The following TONSL variants were observed in gnomAD, a reference collection of about 807,000 sequenced individuals.
TONSL encodes the protein tonsoku-like protein.
TONSL carries 112 observed loss-of-function variants against 147.1 expected under a neutral mutation model. The ratio of observed to expected loss-of-function variants is 0.76; its 90% CI spans 0.65 to 0.89. The LOEUF (loss-of-function observed/expected upper bound fraction) is 0.89, where lower values mean the gene tolerates loss of function less well. Ranked by LOEUF, TONSL falls within the 40% of genes least tolerant of loss-of-function variation. TONSL has a pLI of 0.00. For missense variants in TONSL, 1,883 were observed against 1,864.6 expected (o/e 1.01, Z -0.18); for synonymous variants, 868 against 801.5 (o/e 1.08, Z -1.40).
At chr8:144,430,356 C>A in intron 25 of TONSL, 48 bp downstream of exon 25, 8 of 1,504,410 alleles carry the variant, frequency 5.3e-6, no homozygotes, top group Non-Finnish European at 7.1e-6. Context: ...CAGGCAGGTC[C>A]CTGAAAAGGC....
In TONSL at chr8:144,429,205, G is replaced by T; in HGVS notation, c.4075C>A (p.Arg1359=). Residue 1359 remains arginine (R), a synonymous_variant, in exon 26 of 26, where the codon CGG becomes AGG. Coordinates refer to ENST00000409379, the MANE Select transcript of TONSL (RefSeq NM_013432.5). ...RDALRQLQPS[R]PGPGECTLDH... ...AGCGTGCACTCGCCGGGGCCCGGCCGACTGGGCTGCAGCTGGCGCAGGGCG... is the reference window on the plus strand; with the variant it reads ...AGCGTGCACTCGCCGGGGCCCGGCCTACTGGGCTGCAGCTGGCGCAGGGCG... 6.5e-7 allele frequency: 1 copy of T among 1,535,178 alleles called. No homozygotes were observed.
intron 24 of TONSL, among the ~76,000 whole-genome samples, 172 bp from the exon 25 acceptor site, chr8:144,430,709 A>T (rs1306235444): frequency 6.6e-6 from 1 of 152,144 alleles, no homozygotes; most frequent in Non-Finnish European, 1.5e-5. Flanking sequence ...GGTCCTTCCC[A>T]GGGGTCAGGG....
Position 144,435,807 on chromosome 8 carries a change from C to G in TONSL, c.2626G>C (p.Ala876Pro). The stretch of plus-strand genomic sequence containing the variant: ...ATGCAGGTCAGGCGGACCTGCTTGG[C>G]TCGGGCACGGGGCCTGCTCTCCTCA... Reference protein sequence around the residue: ...DSEESRPRARAKQVRLTCMQS... With the variant: ...DSEESRPRARPKQVRLTCMQS... Residue 876 changes from alanine to proline, a missense_variant, in exon 17 of 26, where the codon GCC (alanine) becomes CCC (proline). By Grantham distance (27) the Ala-to-Pro change is conservative. Coordinates refer to ENST00000409379, the MANE Select transcript of TONSL (RefSeq NM_013432.5). 6.2e-7 allele frequency: 1 copy of G among 1,612,832 alleles called. No homozygotes were observed. Among genetic ancestry groups the G allele is most frequent in the Non-Finnish European group, 8.5e-7 (1 of 1,179,882 alleles).
In TONSL at chr8:144,436,516, C is replaced by A. The variant is rs370523157; in HGVS notation, c.2014+42G>T. On this transcript the variant is annotated intron_variant, in intron 16 of 25. Transcript: ENST00000409379. ...GAAATCAGGGCCCGGGGACTCTCAG[C>A]GTAGGCACAGCAACCCCAGGGACAA... The A allele has an allele frequency of 5.6e-6, 9 of 1,596,372 alleles. No individual in the cohort carries two copies. The East Asian group carries it at 6.7e-5, about 12-fold the overall frequency.
intron 20 of TONSL, 123 bp from the exon 21 acceptor site, chr8:144,434,402 A>G: frequency 1.2e-6 from 1 of 863,304 alleles, no homozygotes; most frequent in Non-Finnish European, 1.7e-6. Flanking sequence ...CTTGCTGTAG[A>G]GCCCACTCGC....
chr8:144,436,339 G>A lies in TONSL; in HGVS notation c.2094C>T (p.Cys698=). 1.3e-6 allele frequency: 2 copies of A among 1,503,114 alleles called. No homozygotes were observed. The highest frequency in any genetic ancestry group is 1.8e-6 in the Non-Finnish European group (2 of 1,133,324). 93.1% of individuals were successfully genotyped at this position (1,503,114 alleles called of 1,614,324 possible). The part of the protein sequence containing the change: ...DPETSPPLSP[C]PEPPSNSTRL... Reference sequence around the variant, plus strand: ...TAGTGCTATTAGAGGGGGGTTCTGGGCAGGGGCTCAAAGGAGGAGAGGTCT... The same window carrying A: ...TAGTGCTATTAGAGGGGGGTTCTGGACAGGGGCTCAAAGGAGGAGAGGTCT... Residue 698 remains cysteine, a synonymous_variant, in exon 17 of 26, where the codon TGC becomes TGT. Transcript: ENST00000409379.
In TONSL at chr8:144,437,068, C is replaced by T; in HGVS notation, c.1685G>A (p.Gly562Asp). ...GCAGGCCTCGTGCAGAGGTGTCCAG[C>T]CACAGTAGTCCCGAGGGTTAAGGGG... is the stretch of plus-strand genomic sequence containing the variant. ...GHPLNPRDYC[G>D]WTPLHEACNY... The change falls in exon 14 of 26, where the codon GGC becomes GAC. Residue 562 changes from glycine to aspartate, a missense_variant. Coordinates refer to ENST00000409379, the MANE Select transcript of TONSL (RefSeq NM_013432.5). The T allele has an allele frequency of 1.9e-6, 3 of 1,613,198 alleles. No homozygotes were observed. Among genetic ancestry groups the T allele is most frequent in the Non-Finnish European group, 2.5e-6 (3 of 1,179,984 alleles).
intron 19 of TONSL, 60 bp downstream of exon 19, chr8:144,434,957 G>A: frequency 1.9e-6 from 3 of 1,611,500 alleles, no homozygotes; most frequent in South Asian, 2.2e-5. Context: ...CTGCAGCCAT[G>A]AGCCACCCGG....
Position 144,441,125 on chromosome 8 carries a change from G to T in TONSL, c.866-14C>A. The T allele has an allele frequency of 6.2e-7, 1 of 1,612,170 alleles. No homozygotes were observed. The highest frequency in any genetic ancestry group is 1.7e-4 in the Middle Eastern group (1 of 5,962). ...CCACTGCCAGCACTGCCGGGAAGAG[G>T]TTCATGCAGGGGGGCAGCACAGGGG... On this transcript the variant is annotated splice_polypyrimidine_tract_variant and intron_variant, in intron 7 of 25. Coordinates refer to ENST00000409379, the MANE Select transcript of TONSL (RefSeq NM_013432.5).
chr8:144,443,263 C>A lies in TONSL; in HGVS notation c.323G>T (p.Arg108Met). ...HSLRNHTELQ[R>M]AWATIGRTHL... ...GGTGCGGCCGATGGTGGCCCAGGCC[C>A]TCTGCAGCTCCGTGTGGTTGCGCAG... The change falls in exon 4 of 26, where the codon AGG (arginine) becomes ATG (methionine). Residue 108 changes from arginine (R) to methionine (M), a missense_variant. Arg to Met is a moderately conservative substitution (Grantham distance 91). Transcript: ENST00000409379. 3 of 1,550,830 alleles carry A rather than the reference C, an allele frequency of 1.9e-6. No homozygotes were observed. The highest frequency in any genetic ancestry group is 2.6e-6 in the Non-Finnish European group (3 of 1,146,970).
At chr8:144,442,923 G>C in intron 4 of TONSL, 117 bp from the exon 5 acceptor site, 1 of 1,396,824 alleles carries the variant, frequency 7.2e-7, no homozygotes, top group Non-Finnish European at 9.5e-7. Context: ...TCCCGAGGTG[G>C]GTGCAAGTGT....
chr8:144,437,155 GC>G, intron 13 of TONSL, 56 bp from the exon 14 acceptor site: 1 of 1,555,204 alleles, frequency 6.4e-7, no homozygotes, highest in African/African-American at 1.4e-5. Flanking sequence ...CCTGGCCCCA[GC>G]CCCGTGAGCT....
rs1279985145 is a variant in TONSL, at chr8:144,443,335, G to C, written c.265-14C>G. The stretch of plus-strand genomic sequence containing the variant: ...CTGGTGCTGGTGCTGAGTGTGGAAG[G>C]AAGTCACTGCTGTGAGCCGACTCCG... On this transcript the variant is annotated splice_polypyrimidine_tract_variant and intron_variant, in intron 3 of 25. Coordinates refer to ENST00000409379, the MANE Select transcript of TONSL (RefSeq NM_013432.5). 1 of 1,544,306 alleles carries C rather than the reference G, an allele frequency of 6.5e-7. No homozygotes were observed. Among genetic ancestry groups the C allele is most frequent in the Non-Finnish European group, 8.8e-7 (1 of 1,142,400 alleles).
rs150695893 is a variant in TONSL, at chr8:144,436,357, A to G, written c.2076T>C (p.Ser692=). The G allele has an allele frequency of 8.2e-4, 1,233 of 1,502,472 alleles. 1 individual carries two copies. The highest frequency in any genetic ancestry group is 9.9e-4 in the Non-Finnish European group (1,127 of 1,133,024). The allele number at this position is 1,502,472 out of a possible 1,614,324, so 93.1% of individuals were successfully genotyped here. The change falls in exon 17 of 26, where the codon TCT becomes TCC. Residue 692 remains serine, a synonymous_variant. Coordinates refer to ENST00000409379, the MANE Select transcript of TONSL (RefSeq NM_013432.5). ...PSSLLFDPET[S]PPLSPCPEPP... is the part of the protein sequence containing the mutation. ...GTTCTGGGCAGGGGCTCAAAGGAGG[A>G]GAGGTCTCGGGGTCAAACAGAAGGC... is the stretch of plus-strand genomic sequence containing the variant.
At position 144,443,991 on chromosome 8, in the gene TONSL, T is replaced by A. The variant is rs1391653450; in HGVS notation, c.155A>T (p.Gln52Leu). Residue 52 changes from glutamine (Q) to leucine (L), a missense_variant, in exon 3 of 26, where the codon CAG (glutamine) becomes CTG (leucine). Transcript: ENST00000409379. ...AGCGCGCTCCCGAAGCTGCAGCTCC[T>A]GCCAGTGCTGCTCCAGAGCCTCGGC... ...RYAEALEQHW[Q>L]ELQLRERADD... is the part of the protein sequence containing the mutation. 2.6e-6 allele frequency: 4 copies of A among 1,539,488 alleles called. No homozygotes were observed. In the South Asian group the frequency reaches 4.8e-5, roughly 18 times the overall value.
At chr8:144,443,034 G>C (rs534549073) in intron 4 of TONSL, 104 bp downstream of exon 4, 2 of 1,370,640 alleles carry the variant, frequency 1.5e-6, no homozygotes, top group East Asian at 2.5e-5. Context: ...TGCAAAGGGA[G>C]GGCTCCAGAA....
intron 7 of TONSL, 85 bp from the exon 8 acceptor site, chr8:144,441,196 G>A (rs1238404689): frequency 2.7e-5 from 41 of 1,533,578 alleles, no homozygotes; most frequent in African/African-American, 9.6e-5. Flanking sequence ...GCCCTGTGGT[G>A]GCCCCCCCAC....
intron 8 of TONSL, 22 bp downstream of exon 8, chr8:144,440,944 C>T: frequency 6.2e-7 from 1 of 1,612,988 alleles, no homozygotes; most frequent in Non-Finnish European, 8.5e-7. Context: ...CCCTTCCCTC[C>T]CACCCAGCCG....
At chr8:144,430,056 T>C (rs1475858221) in intron 25 of TONSL, among the ~76,000 whole-genome samples, 2 of 151,728 alleles carry the variant, frequency 1.3e-5, no homozygotes, top group African/African-American at 4.8e-5. Context: ...AGTAGGAGGG[T>C]CCCTTGGCAG....
Sources: gnomAD v4.1 joint callset for allele counts (sites outside exome capture counted in the v4.1 genomes callset) on GRCh38, gnomAD v4.1.1 for gene constraint, MANE v1.5 for transcripts, NCBI Gene and HGNC (gene_info 2026-07-23, HGNC 2026-07-21) for gene names.